SLC25A12: variants seen among roughly 807,000 people sequenced by gnomAD.
SLC25A12 encodes the protein solute carrier family 25 member 12, also known as electrogenic aspartate/glutamate antiporter SLC25A12, mitochondrial.
In SLC25A12, 32 loss-of-function variants were observed where a neutral mutation model predicts 83.3. That is an observed-to-expected ratio of 0.38 (90% CI 0.29 to 0.52). The LOEUF is 0.52. Ranked by LOEUF, SLC25A12 falls within the 20% of genes least tolerant of loss-of-function variation. SLC25A12 has a pLI of 0.84. For missense variants in SLC25A12, 611 were observed against 835.6 expected, an observed-to-expected ratio of 0.73 and a Z score of 3.31; for synonymous variants, 267 against 291.1, an observed-to-expected ratio of 0.92 and a Z score of 0.84.
chr2:171,832,846 G>A (rs1043229175), intron 8 of SLC25A12, among the ~76,000 whole-genome samples: 7 of 152,258 alleles, frequency 4.6e-5, no homozygotes, highest in Admixed American at 4.6e-4. Flanking sequence ...TCAAAAAGAT[G>A]GCTTATGTCT....
At chr2:171,892,950 AT>A (rs942384081) in intron 2 of SLC25A12, among the ~76,000 whole-genome samples, 2 of 151,850 alleles carry the variant, frequency 1.3e-5, no homozygotes, top group Admixed American at 1.3e-4. Context: ...TAAGCTGGAA[AT>A]TTTTTTTCAA....
chr2:171,801,456 T>C (rs1683706398), intron 13 of SLC25A12, among the ~76,000 whole-genome samples: 1 of 152,224 alleles, frequency 6.6e-6, no homozygotes. Flanking sequence ...CCACAATAGA[T>C]ATCATAATCA....
intron 2 of SLC25A12, among the ~76,000 whole-genome samples, chr2:171,888,951 CAA>C (rs1167934270): frequency 1.3e-5 from 2 of 152,146 alleles, no homozygotes; most frequent in East Asian, 1.9e-4. Flanking sequence ...ATTCTAAACT[CAA>C]GTGACCCCAA....
At chr2:171,874,582 G>C (rs113618284) in intron 2 of SLC25A12, among the ~76,000 whole-genome samples, 1 of 151,924 alleles carries the variant, frequency 6.6e-6, no homozygotes, top group Admixed American at 6.6e-5. Flanking sequence ...TGCCACAGAG[G>C]TGTCTATTCT....
chr2:171,850,926 A>G (rs1487415286), intron 4 of SLC25A12, among the ~76,000 whole-genome samples: 1 of 152,232 alleles, frequency 6.6e-6, no homozygotes, highest in East Asian at 1.9e-4. Context: ...AGCCTATTTC[A>G]GAGGCACAAA....
chr2:171,894,244 T>A lies in SLC25A12; in HGVS notation c.-30A>T. 6.2e-7 allele frequency: 1 copy of A among 1,605,936 alleles called. No homozygotes were observed. The highest frequency in any genetic ancestry group is 1.1e-5 in the South Asian group (1 of 89,734). ...TGCTCGGAAGCCGGGGACGAGCGAG[T>A]GAGCGAGCAGGGCCGAGCTGTCAGG... On this transcript the variant is annotated 5_prime_UTR_variant, in exon 1 of 18. Coordinates refer to ENST00000422440, the MANE Select transcript of SLC25A12 (RefSeq NM_003705.5).
intron 5 of SLC25A12, among the ~76,000 whole-genome samples, chr2:171,842,470 T>C (rs1049637156): frequency 1.6e-4 from 24 of 152,028 alleles, no homozygotes; most frequent in African/African-American, 4.8e-4. Flanking sequence ...GGCGCACACC[T>C]GTAATCCCAG....
chr2:171,862,899 C>CT (rs1330487490), intron 3 of SLC25A12, among the ~76,000 whole-genome samples: 21 of 152,088 alleles, frequency 1.4e-4, no homozygotes, highest in Non-Finnish European at 2.2e-4. Context: ...AAGAGAATAT[C>CT]TTTTTTCTTT....
At chr2:171,891,163 G>A (rs1278637027) in intron 2 of SLC25A12, among the ~76,000 whole-genome samples, 5 of 152,038 alleles carry the variant, frequency 3.3e-5, no homozygotes, top group East Asian at 3.9e-4. Context: ...AAAATTAGCC[G>A]GGTGTGGTGG....
At chr2:171,798,585 G>C (rs1164356880) in intron 13 of SLC25A12, among the ~76,000 whole-genome samples, 1 of 152,156 alleles carries the variant, frequency 6.6e-6, no homozygotes, top group Non-Finnish European at 1.5e-5. Context: ...AAAATAACCA[G>C]ATAAACAGTA....
chr2:171,836,523 A>G (rs1468174340), intron 6 of SLC25A12, among the ~76,000 whole-genome samples: 2 of 152,218 alleles, frequency 1.3e-5, no homozygotes, highest in Non-Finnish European at 2.9e-5. Context: ...TGTACAGGTG[A>G]AGGGGCAGAG....
At chr2:171,868,526 C>G (rs961921285) in intron 3 of SLC25A12, among the ~76,000 whole-genome samples, 155 bp downstream of exon 3, 11 of 151,922 alleles carry the variant, frequency 7.2e-5, no homozygotes, top group Non-Finnish European at 1.5e-4. Flanking sequence ...GTTGGTCAGG[C>G]TGGTCTCAAA....
Position 171,833,971 on chromosome 2 carries a change from A to C in SLC25A12, c.837T>G (p.Asn279Lys). 3 of 1,556,378 alleles carry C rather than the reference A, an allele frequency of 1.9e-6. No individual in the cohort carries two copies. In the South Asian group the frequency reaches 3.3e-5, roughly 17 times the overall value. Reference sequence around the variant, plus strand: ...ATTATTGAAATACTTACCCTGAAGCATTATATAAGTCTGCAAGCTGATATA... The same window carrying C: ...ATTATTGAAATACTTACCCTGAAGCCTTATATAAGTCTGCAAGCTGATATA... ...DILYQLADLY[N>K]ASGRLTLADI... The change falls in exon 8 of 18, where the codon AAT becomes AAG. Residue 279 changes from asparagine (N) to lysine (K), a missense_variant. By Grantham distance (94) the Asn-to-Lys change is moderately conservative. This residue lies in a region of SLC25A12 where 540 missense variants were observed against 777.5 expected (regional missense o/e 0.69). Coordinates refer to ENST00000422440, the MANE Select transcript of SLC25A12 (RefSeq NM_003705.5).
At chr2:171,791,978 A>C (rs993612886) in intron 14 of SLC25A12, among the ~76,000 whole-genome samples, 2 of 152,204 alleles carry the variant, frequency 1.3e-5, no homozygotes, top group Non-Finnish European at 2.9e-5. Flanking sequence ...ACATCAGCTG[A>C]GAGTCCCCGC....
intron 4 of SLC25A12, among the ~76,000 whole-genome samples, chr2:171,846,518 AT>A (rs1325224640): frequency 2.0e-5 from 3 of 152,060 alleles, no homozygotes; most frequent in Non-Finnish European, 4.4e-5. Flanking sequence ...ATCTATAAAA[AT>A]TTTTTTGGCT....
intron 13 of SLC25A12, among the ~76,000 whole-genome samples, chr2:171,807,880 C>T (rs1027622752): frequency 2.0e-5 from 3 of 152,174 alleles, no homozygotes; most frequent in Non-Finnish European, 2.9e-5. Flanking sequence ...TCCACCTCTT[C>T]CAAAGCAACT....
chr2:171,890,477 CTGTGTG>C (rs34728188), intron 2 of SLC25A12, among the ~76,000 whole-genome samples: 16 of 149,202 alleles, frequency 1.1e-4, no homozygotes, highest in Non-Finnish European at 1.6e-4. Context: ...TCGTGTGTGT[CTGTGTG>C]TGTGTGTGTG....
intron 8 of SLC25A12, among the ~76,000 whole-genome samples, chr2:171,828,789 T>A (rs932795776): frequency 3.3e-5 from 5 of 152,212 alleles, no homozygotes; most frequent in Non-Finnish European, 7.3e-5. Flanking sequence ...CATGGCCTTA[T>A]CAAATTATAT....
At chr2:171,845,397 A>G (rs951622925) in intron 4 of SLC25A12, among the ~76,000 whole-genome samples, 1 of 152,140 alleles carries the variant, frequency 6.6e-6, no homozygotes, top group Non-Finnish European at 1.5e-5. Flanking sequence ...AAAAAAAATC[A>G]TGAACAAAGT....
Sources: allele counts gnomAD v4.1 joint callset (sites outside exome capture counted in the v4.1 genomes callset), GRCh38; gene constraint gnomAD v4.1.1; regional missense constraint gnomAD v4.1.1; transcripts MANE v1.5; gene names NCBI Gene and HGNC (gene_info 2026-07-23, HGNC 2026-07-21).